The following AFAP1 variants were observed in gnomAD, a reference collection of about 807,000 sequenced individuals.
AFAP1 encodes actin filament associated protein 1, also known as actin filament-associated protein 1.
AFAP1 carries 75 observed loss-of-function variants against 93.9 expected under a neutral mutation model. The observed-to-expected ratio is 0.80, with a 90% confidence interval of 0.66 to 0.97. AFAP1 has a LOEUF of 0.97. Among genes scored for constraint, AFAP1 ranks in the 50% least tolerant of loss-of-function variants. AFAP1 has a pLI of 0.00. For synonymous variants in AFAP1, 517 were observed against 430.7 expected (o/e 1.20, Z -2.48); for missense variants, 1,201 against 1,050.8 (o/e 1.14, Z -1.98).
chr4:7,873,758 G>A (rs965373508), intron 1 of AFAP1, among the ~76,000 whole-genome samples: 5 of 152,176 alleles, frequency 3.3e-5, no homozygotes, highest in African/African-American at 9.6e-5. Context: ...GTGAGTGTTT[G>A]AGTTCCAAGC....
intron 1 of AFAP1, among the ~76,000 whole-genome samples, chr4:7,932,021 C>T (rs528724161): frequency 1.8e-4 from 28 of 152,072 alleles, no homozygotes; most frequent in Admixed American, 1.0e-3. Context: ...CCACCATGCC[C>T]GGCTAATTTT....
Position 7,819,151 on chromosome 4 carries a change from A to T in AFAP1, c.747T>A (p.Ser249Arg). ...QWLKVIKEAY[S>R]GCSGPVDSEC... is the part of the protein sequence containing the mutation. The stretch of plus-strand genomic sequence containing the variant: ...CTGAATCCACGGGGCCACTACAACC[A>T]CTGTAGGCTTCTTTGATCACCTATA... The change falls in exon 7 of 18, where the codon AGT becomes AGA. Residue 249 changes from serine to arginine, a missense_variant. Physicochemically the swap from Ser to Arg is moderately radical, Grantham distance 110. Transcript: ENST00000420658. 6.2e-7 allele frequency: 1 copy of T among 1,612,332 alleles called. No homozygotes were observed. Among genetic ancestry groups the T allele is most frequent in the South Asian group, 1.1e-5 (1 of 90,658 alleles).
At chr4:7,772,130 C>T (rs1407763193) in intron 16 of AFAP1, 4 of 152,200 alleles carry the variant, frequency 2.6e-5, no homozygotes, top group African/African-American at 9.7e-5. Context: ...CAGGGGCACC[C>T]ACGGTGTTTC....
At chr4:7,859,036 G>A (rs1356054050) in intron 3 of AFAP1, among the ~76,000 whole-genome samples, 1 of 152,214 alleles carries the variant, frequency 6.6e-6, no homozygotes, top group Non-Finnish European at 1.5e-5. Flanking sequence ...ACTATCAGGA[G>A]AGACCCAGTC....
chr4:7,909,313 A>G (rs1347549291), intron 1 of AFAP1, among the ~76,000 whole-genome samples: 1 of 152,210 alleles, frequency 6.6e-6, no homozygotes, highest in Non-Finnish European at 1.5e-5. Context: ...ACAGCTAGTT[A>G]GCAAAACCCA....
chr4:7,843,656 C>T, intron 4 of AFAP1: 1 of 297,538 alleles, frequency 3.4e-6, no homozygotes, highest in Non-Finnish European at 6.4e-6. Context: ...CACATTCTTG[C>T]AGGACGAGCG....
At position 7,872,003 on chromosome 4, in the gene AFAP1, C is replaced by T; in HGVS notation, c.76G>A (p.Glu26Lys). Residue 26 changes from glutamate to lysine, a missense_variant, in exon 2 of 18, where the codon GAG (glutamate) becomes AAG (lysine). Transcript: ENST00000420658. ...ATGTTGGTTATCACTGCCTTTTTCT[C>T]CCTGACAGTTGAGGTTAGATATTCA... ...DHEYLTSTVR[E>K]KKAVITNILL... The T allele has an allele frequency of 6.2e-7, 1 of 1,614,110 alleles. No individual in the cohort carries two copies. The highest frequency in any genetic ancestry group is 1.1e-5 in the South Asian group (1 of 91,078).
At chr4:7,826,319 C>T (rs1295933764) in intron 6 of AFAP1, among the ~76,000 whole-genome samples, 5 of 152,328 alleles carry the variant, frequency 3.3e-5, no homozygotes, top group South Asian at 4.1e-4. Context: ...CCCACCCCGC[C>T]GCCCCCAGAG....
Position 7,763,405 on chromosome 4 carries a change from G to T in AFAP1, c.*360C>A. ...GTCGAATCCAGGTTTTCATCTGGGG[G>T]CTCATGGAACCATCCATCCTCAGTC... On this transcript the variant is annotated 3_prime_UTR_variant, in exon 18 of 18. Transcript: ENST00000420658. The T allele has an allele frequency of 4.5e-6, 1 of 221,468 alleles. No homozygotes were observed. The highest frequency in any genetic ancestry group is 8.8e-6 in the Non-Finnish European group (1 of 113,232). The allele number at this position is 221,468 out of a possible 1,614,324, so 13.7% of individuals were successfully genotyped here.
chr4:7,886,419 C>CA (rs1718145364), intron 1 of AFAP1, among the ~76,000 whole-genome samples: 1 of 152,182 alleles, frequency 6.6e-6, no homozygotes, highest in East Asian at 1.9e-4. Context: ...TGTGCAGTTT[C>CA]AACTCTGAAA....
At chr4:7,859,958 A>G (rs945677278) in intron 3 of AFAP1, among the ~76,000 whole-genome samples, 4 of 152,168 alleles carry the variant, frequency 2.6e-5, no homozygotes, top group Admixed American at 6.5e-5. Context: ...CCTGGGCAAC[A>G]TGGCAAAATC....
chr4:7,928,126 G>A (rs1443080985), intron 1 of AFAP1, among the ~76,000 whole-genome samples: 2 of 152,144 alleles, frequency 1.3e-5, no homozygotes, highest in African/African-American at 2.4e-5. Flanking sequence ...TGTTCCTCAC[G>A]TAATAGCAAT....
intron 10 of AFAP1, among the ~76,000 whole-genome samples, chr4:7,795,774 C>A (rs1208742812): frequency 3.3e-5 from 5 of 152,052 alleles, no homozygotes; most frequent in African/African-American, 1.2e-4. Context: ...ATAACCATTT[C>A]ATCAAAGCAT....
At chr4:7,906,854 C>G (rs1177716404) in intron 1 of AFAP1, among the ~76,000 whole-genome samples, 1 of 152,144 alleles carries the variant, frequency 6.6e-6, no homozygotes, top group African/African-American at 2.4e-5. Context: ...AGCCCCATCT[C>G]TACTAAGAAT....
intron 1 of AFAP1, among the ~76,000 whole-genome samples, chr4:7,920,615 A>G (rs764672842): frequency 1.3e-5 from 2 of 152,240 alleles, no homozygotes; most frequent in Admixed American, 6.5e-5. Flanking sequence ...AATTAACTAA[A>G]CACAAAAGAC....
At chr4:7,933,085 G>GT (rs1385432187) in intron 1 of AFAP1, among the ~76,000 whole-genome samples, 2 of 150,690 alleles carry the variant, frequency 1.3e-5, no homozygotes, top group South Asian at 2.1e-4. Context: ...AAAAAAATTG[G>GT]TATCTGTTAA....
chr4:7,871,542 C>A (rs1032998361), intron 2 of AFAP1, among the ~76,000 whole-genome samples: 2 of 152,180 alleles, frequency 1.3e-5, no homozygotes, highest in African/African-American at 4.8e-5. Context: ...AGGGACAGAG[C>A]ACACAGACGC....
At chr4:7,868,818 G>T in intron 2 of AFAP1, 99 bp from the exon 3 acceptor site, 1 of 1,024,108 alleles carries the variant, frequency 9.8e-7, no homozygotes, top group Non-Finnish European at 1.5e-6. Context: ...TGAACACTTT[G>T]CAAATATTTA....
At chr4:7,801,350 C>T (rs1022095677) in intron 9 of AFAP1, among the ~76,000 whole-genome samples, 3 of 151,884 alleles carry the variant, frequency 2.0e-5, no homozygotes, top group Non-Finnish European at 4.4e-5. Flanking sequence ...GTTTGTGATC[C>T]GTGTCTCTGG....
Sources: gnomAD v4.1 joint callset for allele counts (sites outside exome capture counted in the v4.1 genomes callset) on GRCh38, gnomAD v4.1.1 for gene constraint, MANE v1.5 for transcripts, NCBI Gene and HGNC (gene_info 2026-07-23, HGNC 2026-07-21) for gene names.